BICRA: variants seen among roughly 807,000 people sequenced by gnomAD.
The protein encoded by BICRA is BRD4-interacting chromatin-remodeling complex-associated protein.
Under a neutral mutation model 96.9 loss-of-function variants are expected in BICRA, and 31 were observed. The observed-to-expected ratio is 0.32, with a 90% CI of 0.24 to 0.43. The LOEUF (loss-of-function observed/expected upper bound fraction) is 0.43, where lower values mean the gene tolerates loss of function less well. Ranked by LOEUF, BICRA falls within the 20% of genes least tolerant of loss-of-function variation. The pLI is 1.00. For synonymous variants in BICRA, 1,350 were observed against 1,071.8 expected (o/e 1.26, Z -5.07); for missense variants, 2,283 against 2,190.3 (o/e 1.04, Z -0.84).
chr19:47,684,850 G>C (rs1345891216), intron 7 of BICRA, among the ~76,000 whole-genome samples: 2 of 152,200 alleles, frequency 1.3e-5, no homozygotes, highest in Non-Finnish European at 2.9e-5. Context: ...GGAGCTCTCT[G>C]AGGCATGGAT....
chr19:47,694,021 C>G, intron 7 of BICRA, 94 bp from the exon 8 acceptor site: 1 of 1,404,890 alleles, frequency 7.1e-7, no homozygotes, highest in Non-Finnish European at 9.3e-7. Flanking sequence ...GGGCTTCTGG[C>G]GGGGATGGCT....
chr19:47,614,022 C>A (rs1208417818), intron 1 of BICRA, among the ~76,000 whole-genome samples: 1 of 151,420 alleles, frequency 6.6e-6, no homozygotes, highest in Non-Finnish European at 1.5e-5. Flanking sequence ...GTGACAGGGC[C>A]CTGGGGATCA....
rs371261338 is a variant in BICRA at position 47,701,832 on chromosome 19, C to T, written c.4100C>T (p.Pro1367Leu). ...ATGAACGGCACGGTGGACCACCCGCCGCCTGCCGCCCCCGAGCGCAAGCCC... is the reference window on the plus strand; with the variant it reads ...ATGAACGGCACGGTGGACCACCCGCTGCCTGCCGCCCCCGAGCGCAAGCCC... ...GQMNGTVDHP[P>L]PAAPERKPLG... Residue 1367 changes from proline (P) to leucine (L), a missense_variant, in exon 15 of 15, where the codon CCG becomes CTG. By Grantham distance (98) the Pro-to-Leu change is moderately conservative. Coordinates refer to ENST00000594866, the MANE Select transcript of BICRA (RefSeq NM_001394372.1). This position sits in a 1 kb window ranked among gnomAD's most constrained non-coding sequence, Gnocchi z 5.4. The T allele has an allele frequency of 5.2e-6, 8 of 1,523,858 alleles. 1 individual carries two copies. In the South Asian group the frequency reaches 8.4e-5, roughly 16 times the overall value. 94.4% of individuals were successfully genotyped at this position (1,523,858 alleles called of 1,614,324 possible). A position where few individuals can be genotyped will look rare whatever the true frequency, so the allele number is the denominator to read the frequency against.
At position 47,680,181 on chromosome 19, in the gene BICRA, C is replaced by T. The variant is rs572687679; in HGVS notation, c.1011C>T (p.Val337=). 4.5e-6 allele frequency: 7 copies of T among 1,542,416 alleles called. No homozygotes were observed. The highest frequency in any genetic ancestry group is 2.5e-5 in the East Asian group (1 of 40,532). ...CAGGCCTCGGCTCGTCGCCACTGGT[C>T]CCGGCGCCCAACGTGATCCTGCATC... The part of the protein sequence containing the change: ...VAPGLGSSPL[V]PAPNVILHRT... Residue 337 remains valine, a synonymous_variant, in exon 6 of 15, where the codon GTC becomes GTT. Transcript: ENST00000594866.
At chr19:47,649,878 A>G (rs1972516673) in intron 1 of BICRA, among the ~76,000 whole-genome samples, 2 of 152,198 alleles carry the variant, frequency 1.3e-5, no homozygotes, top group African/African-American at 4.8e-5. Flanking sequence ...GTAGGGACAG[A>G]TTCTGAAATG....
intron 1 of BICRA, among the ~76,000 whole-genome samples, chr19:47,640,573 C>G (rs924148798): frequency 2.0e-5 from 3 of 151,268 alleles, no homozygotes; most frequent in African/African-American, 7.3e-5. Context: ...GGGAGCTGAC[C>G]TGCCAGTGGA....
At chr19:47,629,032 C>T (rs1030025820) in intron 1 of BICRA, among the ~76,000 whole-genome samples, 7 of 152,034 alleles carry the variant, frequency 4.6e-5, no homozygotes, top group East Asian at 3.9e-4. Context: ...GATGCAGTCT[C>T]GCTGTGTTGC....
At chr19:47,646,726 C>T (rs566371898) in intron 1 of BICRA, among the ~76,000 whole-genome samples, 5 of 152,136 alleles carry the variant, frequency 3.3e-5, no homozygotes, top group Non-Finnish European at 7.3e-5. Context: ...GTAAAATATG[C>T]TCATTTCATC....
At chr19:47,678,471 G>A (rs893226294) in intron 5 of BICRA, among the ~76,000 whole-genome samples, 3 of 152,082 alleles carry the variant, frequency 2.0e-5, no homozygotes, top group African/African-American at 4.8e-5. Context: ...GCACCCCCGC[G>A]GGCTTGGGCT....
At chr19:47,648,489 CAGAT>C (rs1972494802) in intron 1 of BICRA, among the ~76,000 whole-genome samples, 2 of 151,622 alleles carry the variant, frequency 1.3e-5, no homozygotes, top group Admixed American at 1.3e-4. Context: ...TATGGCCTGT[CAGAT>C]AGCGATCGGC....
chr19:47,624,240 C>T lies in BICRA; in HGVS notation c.-108+15072C>T, dbSNP rs181279423. Among the ~76,000 whole-genome samples, 208 of 152,094 alleles carry T rather than the reference C, an allele frequency of 1.4e-3. 2 individuals carry two copies. The highest frequency in any genetic ancestry group is 4.9e-3 in the African/African-American group (202 of 41,380). ...GGCCTGGCTTATCTCCTACCCTTTT[C>T]ATCTTGCCTTTCACTCACCAAGCTG... On this transcript the variant is annotated intron_variant, in intron 1 of 14. Transcript: ENST00000594866.
Position 47,701,741 on chromosome 19 carries a change from C to T in BICRA, c.4009C>T (p.Pro1337Ser), listed in dbSNP as rs1476459023. 2 of 1,559,646 alleles carry T rather than the reference C, an allele frequency of 1.3e-6. No homozygotes were observed. Among genetic ancestry groups the T allele is most frequent in the Admixed American group, 1.9e-5 (1 of 53,806 alleles). The change falls in exon 15 of 15, where the codon CCC (proline) becomes TCC (serine). Residue 1337 changes from proline (P) to serine (S), a missense_variant. Transcript: ENST00000594866. This position sits in a 1 kb window ranked among gnomAD's most constrained non-coding sequence, Gnocchi z 5.4. ...CCCCGTGCACCAGCCCCCGCCACCC[C>T]CCGCTACCCTCAAGGTGGCCGAGCC... is the stretch of plus-strand genomic sequence containing the variant. ...LDPVHQPPPP[P>S]ATLKVAEPPP... is the part of the protein sequence containing the mutation.
At chr19:47,663,821 T>G (rs1036113467) in intron 1 of BICRA, 2 of 143,936 alleles carry the variant, frequency 1.4e-5, no homozygotes, top group African/African-American at 5.0e-5. Context: ...CACACATTAT[T>G]GAAACCAATT....
intron 1 of BICRA, among the ~76,000 whole-genome samples, chr19:47,648,114 C>T (rs1197951275): frequency 2.0e-5 from 3 of 151,972 alleles, no homozygotes; most frequent in Admixed American, 2.0e-4. Context: ...GTCTCCCCGT[C>T]CCTCTCTCTG....
chr19:47,685,833 CAG>C (rs549804799), intron 7 of BICRA, among the ~76,000 whole-genome samples: 47 of 150,900 alleles, frequency 3.1e-4, no homozygotes, highest in African/African-American at 1.0e-3. Flanking sequence ...TTAACACAAA[CAG>C]AAATGCAAAG....
intron 7 of BICRA, among the ~76,000 whole-genome samples, chr19:47,685,848 T>C (rs886550543): frequency 6.6e-6 from 1 of 151,362 alleles, no homozygotes; most frequent in Non-Finnish European, 1.5e-5. Flanking sequence ...ATGCAAAGAC[T>C]GTGTTCTGCA....
intron 7 of BICRA, among the ~76,000 whole-genome samples, chr19:47,686,019 C>T (rs1034614100): frequency 7.2e-5 from 11 of 151,908 alleles, no homozygotes; most frequent in African/African-American, 2.7e-4. Context: ...CAACCTTCAC[C>T]TCCCAGGTTC....
In BICRA at chr19:47,680,898, G is replaced by C; in HGVS notation, c.1728G>C (p.Gly576=). ...LPTQSQPAPA[G]PAATTVLQGV... is the part of the protein sequence containing the mutation. ...CGCAGAGCCAGCCAGCGCCCGCCGG[G>C]CCGGCCGCCACCACTGTCCTCCAGG... is the stretch of plus-strand genomic sequence containing the variant. Residue 576 remains glycine, a synonymous_variant, in exon 6 of 15, where the codon GGG becomes GGC. Coordinates refer to ENST00000594866, the MANE Select transcript of BICRA (RefSeq NM_001394372.1). 1 of 1,485,864 alleles carries C rather than the reference G, an allele frequency of 6.7e-7. No individual in the cohort carries two copies. Among genetic ancestry groups the C allele is most frequent in the South Asian group, 1.3e-5 (1 of 74,778 alleles). The allele number at this position is 1,485,864 out of a possible 1,614,324, so 92.0% of individuals were successfully genotyped here. A position where few individuals can be genotyped will look rare whatever the true frequency, so the allele number is the denominator to read the frequency against.
chr19:47,665,258 A>G (rs1311281732), intron 1 of BICRA, among the ~76,000 whole-genome samples: 1 of 152,190 alleles, frequency 6.6e-6, no homozygotes, highest in Non-Finnish European at 1.5e-5. Flanking sequence ...TGAATAAATG[A>G]AAGGATTTGT....
Sources: gnomAD v4.1 joint callset for allele counts (sites outside exome capture counted in the v4.1 genomes callset) on GRCh38, gnomAD v4.1.1 for gene constraint, Gnocchi (gnomAD v3.1) non-coding constraint, MANE v1.5 for transcripts, NCBI Gene and HGNC (gene_info 2026-07-23, HGNC 2026-07-21) for gene names.